Variants in MACROD1 observed in about 807,000 individuals in gnomAD.
The protein encoded by MACROD1 is mono-ADP ribosylhydrolase 1.
MACROD1 carries 31 observed loss-of-function variants against 41.4 expected under a neutral mutation model. The observed-to-expected ratio is 0.75, with a 90% CI of 0.56 to 1.01. The LOEUF is 1.01. Among genes scored for constraint, MACROD1 ranks in the 50% least tolerant of loss-of-function variants. The pLI, the probability that MACROD1 is intolerant of heterozygous loss-of-function variation, is 0.00. For missense variants in MACROD1, 473 were observed against 460.0 expected (o/e 1.03, Z -0.26); for synonymous variants, 252 against 203.4 (o/e 1.24, Z -2.03).
chr11:64,153,062 G>A (rs1485655799), intron 1 of MACROD1, among the ~76,000 whole-genome samples: 2 of 150,850 alleles, frequency 1.3e-5, no homozygotes, highest in African/African-American at 4.9e-5. Context: ...CTTGAGTGAG[G>A]AGCCAGGCAC....
At chr11:64,117,634 A>G (rs200990594) in intron 3 of MACROD1, 1 of 1,613,754 alleles carries the variant, frequency 6.2e-7, no homozygotes, top group Admixed American at 1.7e-5. Flanking sequence ...ATCACGTGGA[A>G]GGCCACGCTC....
At chr11:64,125,857 C>A (rs1030278642) in intron 3 of MACROD1, among the ~76,000 whole-genome samples, 5 of 152,224 alleles carry the variant, frequency 3.3e-5, no homozygotes, top group African/African-American at 1.2e-4. Flanking sequence ...CTGCTGCCCC[C>A]GCAGAATCCC....
chr11:64,148,304 C>A (rs1317340230), intron 3 of MACROD1, among the ~76,000 whole-genome samples: 1 of 152,172 alleles, frequency 6.6e-6, no homozygotes, highest in Non-Finnish European at 1.5e-5. Context: ...CCCACTGCAC[C>A]CTTCCCCTCC....
At chr11:64,102,638 C>A (rs1470347168) in intron 3 of MACROD1, among the ~76,000 whole-genome samples, 3 of 152,186 alleles carry the variant, frequency 2.0e-5, no homozygotes, top group Non-Finnish European at 2.9e-5. Context: ...GTCCTTCCAC[C>A]CCCAGGGAGG....
intron 4 of MACROD1, chr11:64,001,854 G>A (rs565291354): frequency 1.5e-6 from 1 of 678,274 alleles, no homozygotes; most frequent in South Asian, 1.5e-5. Context: ...TGTGGAGCTG[G>A]GCAACGTGAG....
At position 64,082,224 on chromosome 11, in the gene MACROD1, G is replaced by C. The variant is rs1488673996; in HGVS notation, c.518-66943C>G. ...ACATCCCTTAAATATTGGTGCTCTC[G>C]GCAGCACTGGGCCCCTGCTTAGCAG... On this transcript the variant is annotated intron_variant, in intron 3 of 10. Transcript: ENST00000255681. This position sits in a 1 kb window ranked among gnomAD's most constrained non-coding sequence, Gnocchi z 4.5. Among the ~76,000 whole-genome samples the C allele has an allele frequency of 6.6e-6, 1 of 152,142 alleles. No individual in the cohort carries two copies. The highest frequency in any genetic ancestry group is 6.5e-5 in the Admixed American group (1 of 15,276).
At chr11:63,999,796 G>A in intron 5 of MACROD1, 33 bp from the exon 6 acceptor site, 1 of 1,589,174 alleles carries the variant, frequency 6.3e-7, no homozygotes, top group South Asian at 1.1e-5. Context: ...ACCGGCGGGG[G>A]TCTACGCGGT....
Position 64,165,696 on chromosome 11 carries a change from C to T in MACROD1, c.298+1G>A, listed in dbSNP as rs756446414. The T allele has an allele frequency of 3.5e-6, 5 of 1,445,202 alleles. No homozygotes were observed. In the Admixed American group the frequency reaches 1.3e-4, roughly 39 times the overall value. 89.5% of individuals were successfully genotyped at this position (1,445,202 alleles called of 1,614,324 possible). A position where few individuals can be genotyped will look rare whatever the true frequency, so the allele number is the denominator to read the frequency against. ...TCGCGCCCCCTCGTGCTTACACTTA[C>T]ATTTCGCCTCCTTCCAGTCGGTGGA... On this transcript the variant is annotated splice_donor_variant, in intron 1 of 10. Transcript: ENST00000255681. LOFTEE classifies it high-confidence loss of function.
chr11:64,025,389 C>G (rs569556875), intron 3 of MACROD1, among the ~76,000 whole-genome samples: 1 of 152,298 alleles, frequency 6.6e-6, no homozygotes, highest in South Asian at 2.1e-4. Flanking sequence ...GCTGCTGTGG[C>G]CTCCTACATA....
At chr11:64,103,476 A>T (rs958951379) in intron 3 of MACROD1, 1 of 152,182 alleles carries the variant, frequency 6.6e-6, no homozygotes, top group African/African-American at 2.4e-5. Context: ...CCGGAGACAC[A>T]GCCTGAGTGG....
At chr11:64,068,400 G>A (rs1944044830) in intron 3 of MACROD1, among the ~76,000 whole-genome samples, 1 of 152,234 alleles carries the variant, frequency 6.6e-6, no homozygotes, top group African/African-American at 2.4e-5. Context: ...GCTGTAAAAT[G>A]GAGGTATCTA....
At chr11:64,069,901 C>T (rs1944075621) in intron 3 of MACROD1, among the ~76,000 whole-genome samples, 1 of 152,158 alleles carries the variant, frequency 6.6e-6, no homozygotes, top group Admixed American at 6.5e-5. Flanking sequence ...GCGCCCCTCC[C>T]AGACCTCAAC....
At chr11:64,133,606 G>A (rs1346614307) in intron 3 of MACROD1, among the ~76,000 whole-genome samples, 2 of 152,204 alleles carry the variant, frequency 1.3e-5, no homozygotes, top group Non-Finnish European at 2.9e-5. Context: ...GACCCCATGG[G>A]CATGGCCCTG....
chr11:64,116,630 C>T (rs1424728214), intron 3 of MACROD1: 1 of 1,614,176 alleles, frequency 6.2e-7, no homozygotes, highest in East Asian at 2.2e-5. Flanking sequence ...TGGATGAGTT[C>T]CCCATCAACC....
intron 3 of MACROD1, chr11:64,149,131 C>G (rs755377426): frequency 2.8e-5 from 16 of 574,050 alleles, no homozygotes; most frequent in Non-Finnish European, 2.6e-5. Flanking sequence ...CAGGAGGTAC[C>G]ATGTCCCTCG....
chr11:64,123,713 G>A (rs1945135625), intron 3 of MACROD1, among the ~76,000 whole-genome samples: 1 of 152,152 alleles, frequency 6.6e-6, no homozygotes, highest in Non-Finnish European at 1.5e-5. Context: ...TCCTTAGAAA[G>A]TAGGACTCTA....
chr11:64,044,496 G>A (rs768114783), intron 3 of MACROD1, among the ~76,000 whole-genome samples: 2 of 152,036 alleles, frequency 1.3e-5, no homozygotes, highest in Non-Finnish European at 2.9e-5. Flanking sequence ...CGATCCTCCC[G>A]CCTTGGCCTC....
At chr11:64,045,121 T>G (rs557608207) in intron 3 of MACROD1, among the ~76,000 whole-genome samples, 1 of 152,298 alleles carries the variant, frequency 6.6e-6, no homozygotes, top group African/African-American at 2.4e-5. Context: ...TGGCATGTGC[T>G]TCTGCCTCGG....
At chr11:64,010,237 G>T (rs1168690528) in intron 4 of MACROD1, among the ~76,000 whole-genome samples, 1 of 150,720 alleles carries the variant, frequency 6.6e-6, no homozygotes, top group East Asian at 1.9e-4. Flanking sequence ...GTGTTAGCTG[G>T]GGTGTTGGTT....
Sources: allele counts gnomAD v4.1 joint callset (sites outside exome capture counted in the v4.1 genomes callset), GRCh38; gene constraint gnomAD v4.1.1; non-coding constraint Gnocchi (gnomAD v3.1); transcripts MANE v1.5; gene names NCBI Gene and HGNC (gene_info 2026-07-23, HGNC 2026-07-21).